The following MYH14 variants were observed in gnomAD, a reference collection of about 807,000 sequenced individuals.
MYH14 encodes myosin-14.
MYH14 carries 123 observed loss-of-function variants against 255.5 expected under a neutral mutation model. The observed-to-expected ratio is 0.48, with a 90% CI of 0.42 to 0.56. The LOEUF (loss-of-function observed/expected upper bound fraction) is 0.56, where lower values mean the gene tolerates loss of function less well. MYH14 is among the 20% of genes least tolerant of loss of function. The pLI is 0.00. For missense variants in MYH14, 2,423 were observed against 2,802.3 expected, an observed-to-expected ratio of 0.86 and a Z score of 3.06; for synonymous variants, 1,095 against 1,161.2, an observed-to-expected ratio of 0.94 and a Z score of 1.16.
chr19:50,276,774 A>G lies in MYH14; in HGVS notation c.3698A>G (p.Glu1233Gly). The change falls in exon 29 of 43, where the codon GAG becomes GGG. Residue 1233 changes from glutamate (E) to glycine (G), a missense_variant. Glu to Gly is a moderately conservative substitution (Grantham distance 98, BLOSUM62 -2). Around this residue, in one of 3 missense-constraint regions of MYH14, gnomAD observed 1,513 missense variants for 1,674.8 expected, o/e 0.90. Coordinates refer to ENST00000642316, the MANE Select transcript of MYH14 (RefSeq NM_001145809.2). This position sits in a 1 kb window ranked among gnomAD's most constrained non-coding sequence, Gnocchi z 4.3. ...QQELRSKREQEVTELKKTLEE... is the reference protein window; with the variant it reads ...QQELRSKREQGVTELKKTLEE... ...CAATAAAGGTCCAAGAGGGAACAGGAGGTGACGGAGCTGAAGAAGACTCTG... is the reference window on the plus strand; with the variant it reads ...CAATAAAGGTCCAAGAGGGAACAGGGGGTGACGGAGCTGAAGAAGACTCTG... The G allele has an allele frequency of 1.2e-6, 2 of 1,613,398 alleles. No individual in the cohort carries two copies. The highest frequency in any genetic ancestry group is 1.7e-6 in the Non-Finnish European group (2 of 1,179,858).
intron 27 of MYH14, 29 bp from the exon 28 acceptor site, chr19:50,275,962 A>G (rs750035864): frequency 2.5e-6 from 4 of 1,584,752 alleles, no homozygotes; most frequent in East Asian, 2.3e-5. Flanking sequence ...CTGCCCCTGT[A>G]TCAACTCCAC....
At chr19:50,216,956 T>C (rs2123180852) in intron 2 of MYH14, among the ~76,000 whole-genome samples, 1 of 147,758 alleles carries the variant, frequency 6.8e-6, no homozygotes, top group Non-Finnish European at 1.5e-5. Context: ...TACAGGCATG[T>C]GTCACCACAC....
chr19:50,263,453 GGA>G, intron 22 of MYH14, 33 bp downstream of exon 22: 1 of 1,481,656 alleles, frequency 6.7e-7, no homozygotes, highest in Non-Finnish European at 9.2e-7. Context: ...GCCCCAGTAG[GGA>G]GAGGATAGGG....
chr19:50,308,607 A>G, intron 41 of MYH14: 2 of 186,358 alleles, frequency 1.1e-5, no homozygotes, highest in Non-Finnish European at 2.2e-5. Context: ...GGAGGATCTC[A>G]GTGAAGTTGG....
chr19:50,309,502 T>A, intron 42 of MYH14, 138 bp from the exon 43 acceptor site: 1 of 664,558 alleles, frequency 1.5e-6, no homozygotes. Context: ...CTTGATCTCA[T>A]CCCTCTCTTC....
intron 11 of MYH14, among the ~76,000 whole-genome samples, chr19:50,246,795 T>C (rs2034146263): frequency 6.6e-6 from 1 of 152,194 alleles, no homozygotes; most frequent in African/African-American, 2.4e-5. Flanking sequence ...TTTGCTCACA[T>C]GCAGGGTTAT....
intron 1 of MYH14, among the ~76,000 whole-genome samples, chr19:50,203,956 G>C (rs574022487): frequency 6.6e-6 from 1 of 152,290 alleles, no homozygotes; most frequent in African/African-American, 2.4e-5. Context: ...GGGAAACTGA[G>C]GCTGTCTTTG....
intron 24 of MYH14, among the ~76,000 whole-genome samples, chr19:50,269,262 C>T (rs1600988335): frequency 6.6e-6 from 1 of 152,294 alleles, no homozygotes; most frequent in African/African-American, 2.4e-5. Flanking sequence ...CTGCAACCTC[C>T]GTCTCCCGGG....
chr19:50,219,028 CACCATGGGATATATA>C (rs1240667650), intron 3 of MYH14, among the ~76,000 whole-genome samples: 1 of 146,402 alleles, frequency 6.8e-6, no homozygotes, highest in African/African-American at 2.5e-5. Context: ...TATATATACA[CACCATGGGATATATA>C]CTCTCTCTCT....
At chr19:50,213,617 G>A (rs1027945728) in intron 2 of MYH14, among the ~76,000 whole-genome samples, 5 of 152,160 alleles carry the variant, frequency 3.3e-5, no homozygotes, top group African/African-American at 1.2e-4. Flanking sequence ...TTAGCACTTA[G>A]TGAGTACCTG....
chr19:50,283,154 G>A (rs1327623485), intron 33 of MYH14, among the ~76,000 whole-genome samples: 1 of 150,400 alleles, frequency 6.6e-6, no homozygotes, highest in Admixed American at 6.6e-5. Flanking sequence ...GAGTCTCGCT[G>A]TGTCACCAAG....
At chr19:50,238,855 T>G (rs2033774538) in intron 10 of MYH14, among the ~76,000 whole-genome samples, 1 of 152,154 alleles carries the variant, frequency 6.6e-6, no homozygotes, top group African/African-American at 2.4e-5. Context: ...GGTCTGTTAT[T>G]CATCCTCCCA....
At chr19:50,251,914 G>A (rs2034417601) in intron 15 of MYH14, among the ~76,000 whole-genome samples, 1 of 152,162 alleles carries the variant, frequency 6.6e-6, no homozygotes, top group Non-Finnish European at 1.5e-5. Context: ...AGAGGTGGCA[G>A]GCTGGATTTT....
At chr19:50,247,798 G>A (rs1274756262) in intron 12 of MYH14, among the ~76,000 whole-genome samples, 1 of 152,082 alleles carries the variant, frequency 6.6e-6, no homozygotes, top group Non-Finnish European at 1.5e-5. Context: ...GGGTGTGGGG[G>A]CTCATGCCTG....
intron 2 of MYH14, among the ~76,000 whole-genome samples, chr19:50,211,011 A>C (rs917755715): frequency 2.0e-5 from 3 of 152,240 alleles, no homozygotes; most frequent in Non-Finnish European, 4.4e-5. Context: ...TTATTTTCCT[A>C]AAGTATAAAA....
chr19:50,209,783 C>CAAAAAA lies in MYH14; in HGVS notation c.-3-569_-3-564dup, dbSNP rs1209985827. On this transcript the variant is annotated intron_variant, in intron 1 of 42. Coordinates refer to ENST00000642316, the MANE Select transcript of MYH14 (RefSeq NM_001145809.2). ...TGGGCGACACAGTGAGACTCCATCT[C>CAAAAAA]AAAAAAAAAAAAAAAAGAAAATAAT... Among the ~76,000 whole-genome samples, 631 of 65,636 alleles carry CAAAAAA rather than the reference C, an allele frequency of 9.6e-3. 24 individuals carry two copies. The highest frequency in any genetic ancestry group is 0.032 in the African/African-American group (587 of 18,388). 43.1% of individuals were successfully genotyped at this position (65,636 alleles called of 152,430 possible). A position where few individuals can be genotyped will look rare whatever the true frequency, so the allele number is the denominator to read the frequency against.
chr19:50,258,741 A>AAAAAAAAAAAAAAAAAAAAAAAAAAC (rs761216499), intron 18 of MYH14: 1 of 145,556 alleles, frequency 6.9e-6, no homozygotes, highest in African/African-American at 2.8e-5. Context: ...AAAAAAAAAA[A>AAAAAAAAAAAAAAAAAAAAAAAAAAC]AAACGAACAA....
rs2034621943 is a variant in MYH14, at chr19:50,257,207, T to C, written c.2045-92T>C. On this transcript the variant is annotated intron_variant, in intron 17 of 42. Coordinates refer to ENST00000642316, the MANE Select transcript of MYH14 (RefSeq NM_001145809.2). Reference sequence around the variant, plus strand: ...GGTCCTTCATATGTAAAGTGCCAGTTGTGATAAATGATAAGACCCTTGACC... The same window carrying C: ...GGTCCTTCATATGTAAAGTGCCAGTCGTGATAAATGATAAGACCCTTGACC... 4.8e-6 allele frequency: 5 copies of C among 1,044,282 alleles called. No individual in the cohort carries two copies. In the East Asian group the frequency reaches 1.3e-4, roughly 27 times the overall value. 64.7% of individuals were successfully genotyped at this position (1,044,282 alleles called of 1,614,324 possible).
intron 24 of MYH14, among the ~76,000 whole-genome samples, chr19:50,268,797 T>C (rs1182991587): frequency 6.6e-6 from 1 of 152,180 alleles, no homozygotes; most frequent in Non-Finnish European, 1.5e-5. Flanking sequence ...GCCCAAGTGA[T>C]GTCCTTAGCT....
Sources: allele counts gnomAD v4.1 joint callset (sites outside exome capture counted in the v4.1 genomes callset), GRCh38; gene constraint gnomAD v4.1.1; regional missense constraint gnomAD v4.1.1; non-coding constraint Gnocchi (gnomAD v3.1); transcripts MANE v1.5; gene names NCBI Gene and HGNC (gene_info 2026-07-23, HGNC 2026-07-21).